Variants in RAD51B observed in about 807,000 individuals in gnomAD.
RAD51B encodes the protein DNA repair protein RAD51 homolog 2.
RAD51B carries 38 observed loss-of-function variants against 42.2 expected under a neutral mutation model. The ratio of observed to expected loss-of-function variants is 0.90; its 90% CI spans 0.70 to 1.18. The LOEUF is 1.18. Among genes scored for constraint, RAD51B ranks in the 50% most tolerant of loss-of-function variants. RAD51B has a pLI of 0.00. For missense variants in RAD51B, 373 were observed against 400.7 expected, an observed-to-expected ratio of 0.93 and a Z score of 0.59; for synonymous variants, 154 against 145.2, an observed-to-expected ratio of 1.06 and a Z score of -0.43.
intron 2 of RAD51B, among the ~76,000 whole-genome samples, chr14:67,824,823 A>C (rs1353511749): frequency 2.0e-5 from 3 of 151,882 alleles, no homozygotes; most frequent in Non-Finnish European, 4.4e-5. Flanking sequence ...TCACACCTGT[A>C]ATCCCAGCAC....
chr14:68,572,393 C>A (rs1889752054), intron 10 of RAD51B, among the ~76,000 whole-genome samples: 1 of 152,226 alleles, frequency 6.6e-6, no homozygotes, highest in African/African-American at 2.4e-5. Flanking sequence ...TGCTGGAAAC[C>A]TAAACCTGCT....
intron 10 of RAD51B, among the ~76,000 whole-genome samples, chr14:68,487,250 G>A (rs559582321): frequency 2.0e-5 from 3 of 152,298 alleles, no homozygotes; most frequent in Admixed American, 2.0e-4. Flanking sequence ...CTTGCAGGTG[G>A]ACGTCATCTC....
In RAD51B at chr14:67,864,961, C is replaced by CTTT. The variant is rs745505141; in HGVS notation, c.316-5_316-3dup. 489 of 645,050 alleles carry CTTT rather than the reference C, an allele frequency of 7.6e-4. 213 individuals carry two copies. The highest frequency in any genetic ancestry group is 2.1e-3 in the South Asian group (56 of 26,298). 40.0% of individuals were successfully genotyped at this position (645,050 alleles called of 1,614,324 possible). A position where few individuals can be genotyped will look rare whatever the true frequency, so the allele number is the denominator to read the frequency against. ...TGGCTTGTGATGTTTATCTAAAAAA[C>CTTT]TTTTTTTTTTTTTTTTTTTTTTTTT... is the stretch of plus-strand genomic sequence containing the variant. On this transcript the variant is annotated intron_variant, in intron 4 of 10. Coordinates refer to ENST00000471583, the MANE Select transcript of RAD51B (RefSeq NM_133510.4).
rs781229009 is a variant in RAD51B, at chr14:67,835,192, C to T, written c.311C>T (p.Thr104Ile). The change falls in exon 4 of 11, where the codon ACA (threonine) becomes ATA (isoleucine). Residue 104 changes from threonine (T) to isoleucine (I), a missense_variant. Physicochemically the swap from Thr to Ile is moderately conservative, Grantham distance 89. Coordinates refer to ENST00000471583, the MANE Select transcript of RAD51B (RefSeq NM_133510.4). ...GGTGGTGTGGCTTGTGGATCCCTCA[C>T]AGAGGTAAAGGAAAAATTTTTCGTA... ...LHGGVACGSL[T>I]EITGPPGCGK... 1.2e-6 allele frequency: 2 copies of T among 1,611,680 alleles called. No homozygotes were observed. Among genetic ancestry groups the T allele is most frequent in the Non-Finnish European group, 1.7e-6 (2 of 1,177,990 alleles).
chr14:67,824,702 G>T (rs2040752202), intron 2 of RAD51B, among the ~76,000 whole-genome samples: 1 of 151,950 alleles, frequency 6.6e-6, no homozygotes, highest in Admixed American at 6.6e-5. Flanking sequence ...TTAAAAGTAT[G>T]AAATTTGTTA....
At chr14:68,053,869 A>G (rs535520595) in intron 7 of RAD51B, among the ~76,000 whole-genome samples, 72 of 152,328 alleles carry the variant, frequency 4.7e-4, no homozygotes, top group African/African-American at 1.7e-3. Context: ...CTGTTGGTAA[A>G]TATTGATCTC....
At chr14:68,194,299 G>A (rs1334389185) in intron 7 of RAD51B, among the ~76,000 whole-genome samples, 1 of 152,196 alleles carries the variant, frequency 6.6e-6, no homozygotes, top group Non-Finnish European at 1.5e-5. Flanking sequence ...ATTAGGAGAT[G>A]TTTGTTTTAA....
intron 11 of RAD51B, among the ~76,000 whole-genome samples, chr14:68,658,345 A>G (rs887579755): frequency 6.6e-6 from 1 of 152,222 alleles, no homozygotes; most frequent in African/African-American, 2.4e-5. Flanking sequence ...GGCAGCACTG[A>G]CAGACCTGTC....
intron 7 of RAD51B, among the ~76,000 whole-genome samples, chr14:68,163,711 T>A (rs1566695900): frequency 6.6e-6 from 1 of 152,314 alleles, no homozygotes; most frequent in East Asian, 1.9e-4. Flanking sequence ...CTAAGGTGCC[T>A]AATGGCCACC....
At chr14:68,470,342 C>T (rs2086090707) in intron 10 of RAD51B, among the ~76,000 whole-genome samples, 4 of 152,190 alleles carry the variant, frequency 2.6e-5, no homozygotes, top group Admixed American at 2.6e-4. Context: ...CAGCAATGCC[C>T]TTGAAAACAA....
chr14:68,344,050 A>G lies in RAD51B; in HGVS notation c.853+52070A>G, dbSNP rs544321722. ...TGCTGCAGAGGTGGAGCCCTTACAGAGAACCTCTACTAGAGCAGTGTGGAG... is the reference window on the plus strand; with the variant it reads ...TGCTGCAGAGGTGGAGCCCTTACAGGGAACCTCTACTAGAGCAGTGTGGAG... On this transcript the variant is annotated intron_variant, in intron 8 of 10. Transcript: ENST00000471583. Among the ~76,000 whole-genome samples the G allele has an allele frequency of 7.2e-5, 11 of 152,398 alleles. 1 individual carries two copies. The East Asian group carries it at 2.1e-3, about 29-fold the overall frequency.
chr14:68,161,784 A>G (rs1328219866), intron 7 of RAD51B, among the ~76,000 whole-genome samples: 2 of 152,258 alleles, frequency 1.3e-5, no homozygotes, highest in Admixed American at 6.5e-5. Context: ...CACACCTTGT[A>G]TCCCTAGAAC....
At chr14:67,869,505 A>C (rs369260802) in intron 5 of RAD51B, among the ~76,000 whole-genome samples, 2 of 152,306 alleles carry the variant, frequency 1.3e-5, no homozygotes, top group African/African-American at 4.8e-5. Flanking sequence ...AAGTTGGAAA[A>C]CACTCTGCAG....
At chr14:68,139,552 G>A (rs2078081711) in intron 7 of RAD51B, among the ~76,000 whole-genome samples, 1 of 152,106 alleles carries the variant, frequency 6.6e-6, no homozygotes, top group African/African-American at 2.4e-5. Context: ...AAGAAGCCCT[G>A]AAAGGGATAA....
chr14:68,052,845 C>T (rs2076416261), intron 7 of RAD51B, among the ~76,000 whole-genome samples: 1 of 151,668 alleles, frequency 6.6e-6, no homozygotes, highest in African/African-American at 2.4e-5. Flanking sequence ...GTTGGCCAGC[C>T]TGGTCTTAAA....
intron 5 of RAD51B, among the ~76,000 whole-genome samples, chr14:67,879,273 C>G (rs1462568783): frequency 6.6e-6 from 1 of 152,126 alleles, no homozygotes; most frequent in Non-Finnish European, 1.5e-5. Flanking sequence ...ATTAGCCCAC[C>G]CAGATTATGT....
At chr14:68,264,063 T>A (rs1268022431) in intron 7 of RAD51B, among the ~76,000 whole-genome samples, 1 of 152,272 alleles carries the variant, frequency 6.6e-6, no homozygotes, top group African/African-American at 2.4e-5. Context: ...GAGATGGCTC[T>A]GTAAACATAC....
intron 9 of RAD51B, among the ~76,000 whole-genome samples, chr14:68,447,829 A>G (rs1006404855): frequency 6.6e-6 from 1 of 152,110 alleles, no homozygotes; most frequent in African/African-American, 2.4e-5. Context: ...GTTTCCCTTA[A>G]TCATTAATGA....
At chr14:68,046,882 A>C (rs140324412) in intron 7 of RAD51B, among the ~76,000 whole-genome samples, 1 of 152,098 alleles carries the variant, frequency 6.6e-6, no homozygotes, top group Non-Finnish European at 1.5e-5. Flanking sequence ...TGTAGTGTTT[A>C]TAAGAAGTCT....
Sources: allele counts gnomAD v4.1 joint callset (sites outside exome capture counted in the v4.1 genomes callset), GRCh38; gene constraint gnomAD v4.1.1; transcripts MANE v1.5; gene names NCBI Gene and HGNC (gene_info 2026-07-23, HGNC 2026-07-21).